The following KANTR variants were observed in gnomAD, a reference collection of about 807,000 sequenced individuals.
KANTR encodes KANTR integral membrane protein.
chrX:53,115,532 T>G (rs1364686164), intron 2 of KANTR, among the ~76,000 whole-genome samples: 2 of 112,387 alleles, frequency 1.8e-5, no homozygotes, highest in Non-Finnish European at 3.8e-5. Context: ...CAGGCAGGCC[T>G]GGAGTGCGAG....
intron 2 of KANTR, among the ~76,000 whole-genome samples, chrX:53,137,460 C>T (rs1191329925): frequency 3.1e-4 from 35 of 112,214 alleles, no homozygotes; most frequent in Non-Finnish European, 1.7e-4. Context: ...CAGTGGCTCA[C>T]GCCTGTAATC....
chrX:53,116,599 G>T (rs1188473091), intron 2 of KANTR, among the ~76,000 whole-genome samples: 1 of 111,617 alleles, frequency 9.0e-6, no homozygotes. Flanking sequence ...GGGTTAGGGA[G>T]GGAGGATGGG....
downstream of KANTR, among the ~76,000 whole-genome samples, chrX:53,130,146 C>T (rs1450759851): frequency 8.0e-5 from 9 of 111,822 alleles, no homozygotes; most frequent in African/African-American, 2.6e-4. Flanking sequence ...GGATTACAGG[C>T]GTGAGCCACC....
intron 2 of KANTR, among the ~76,000 whole-genome samples, chrX:53,103,405 C>T (rs1330568310): frequency 6.3e-5 from 7 of 111,346 alleles, no homozygotes; most frequent in Admixed American, 2.9e-4. Context: ...CCAGCAATCC[C>T]TCAATCCCAC....
chrX:53,102,060 T>C (rs782629090), intron 2 of KANTR, among the ~76,000 whole-genome samples: 5 of 110,756 alleles, frequency 4.5e-5, no homozygotes, highest in Non-Finnish European at 9.5e-5. Flanking sequence ...AAGAAAAGTT[T>C]TGAAATGTGA....
downstream of KANTR, among the ~76,000 whole-genome samples, chrX:53,131,049 GA>G (rs1368108145): frequency 1.8e-5 from 2 of 111,675 alleles, no homozygotes; most frequent in African/African-American, 6.5e-5. Flanking sequence ...GAGAGGCTTT[GA>G]AGATGGCTCT....
chrX:53,114,014 T>G (rs947292027), intron 2 of KANTR, among the ~76,000 whole-genome samples: 19 of 111,168 alleles, frequency 1.7e-4, no homozygotes, highest in Non-Finnish European at 3.4e-4. Flanking sequence ...CCCTCCTGCC[T>G]CAGCCTTCCA....
chrX:53,114,057 T>C (rs1436643490), intron 2 of KANTR, among the ~76,000 whole-genome samples: 1 of 109,871 alleles, frequency 9.1e-6, no homozygotes, highest in Admixed American at 9.7e-5. Flanking sequence ...TGCCACTACA[T>C]CCAGCTAATT....
At chrX:53,133,002 A>T (rs1569240348) in intron 2 of KANTR, among the ~76,000 whole-genome samples, 1 of 111,650 alleles carries the variant, frequency 9.0e-6, no homozygotes, top group African/African-American at 3.3e-5. Context: ...AGTTAAACAC[A>T]TTTGAAAAAT....
chrX:53,128,927 T>C (rs1933323522), downstream of KANTR, among the ~76,000 whole-genome samples: 1 of 111,097 alleles, frequency 9.0e-6, no homozygotes, highest in South Asian at 3.8e-4. Context: ...ACTATTTTTG[T>C]TCCTCCCTTA....
chrX:53,147,902 A>T (rs1479750810), intron 3 of KANTR, among the ~76,000 whole-genome samples: 5 of 111,807 alleles, frequency 4.5e-5, no homozygotes, highest in Non-Finnish European at 9.4e-5. Context: ...AGAAATAAAG[A>T]TGTTCTTTGA....
intron 2 of KANTR, among the ~76,000 whole-genome samples, chrX:53,136,731 T>TATATATATATATATA (rs1491428007): frequency 1.2e-3 from 59 of 50,009 alleles, no homozygotes; most frequent in Admixed American, 2.1e-3. Flanking sequence ...TATATATATA[T>TATATATATATATATA]TTTGTTTGTT....
At position 53,126,567 on chromosome X, in the gene KANTR, C is replaced by T. The variant is rs190417503; in HGVS notation, c.*2064C>T. The T allele has an allele frequency of 3.7e-3, 415 of 111,904 alleles. 6 individuals carry two copies. Among genetic ancestry groups the T allele is most frequent in the African/African-American group, 0.013 (403 of 30,854 alleles). The allele number at this position is 111,904 out of a possible 1,213,427, so 9.2% of individuals were successfully genotyped here. ...TATTTTACTTGCTAATCTGCCTAGT[C>T]ATCCCTAATAGTCTCTTATTGCTTG... On this transcript the variant is annotated 3_prime_UTR_variant, in exon 3 of 3. Transcript: ENST00000604062.
At position 53,133,372 on chromosome X, in the gene KANTR, AAAAAG is replaced by A. The variant is rs201906912; in HGVS notation, n.204-8472_204-8468del. The stretch of plus-strand genomic sequence containing the variant: ...ACAGAGTGAGACCTTGTCAAAAAAA[AAAAAG>A]AAAGAAAGGGGGAGGAGAAAAAACA... On this transcript the variant is annotated intron_variant and non_coding_transcript_variant, in intron 2 of 2. Coordinates refer to the KANTR transcript ENST00000366185. Among the ~76,000 whole-genome samples, 54 of 109,154 alleles carry A rather than the reference AAAAAG, an allele frequency of 4.9e-4. No homozygotes were observed. The East Asian group carries it at 7.8e-3, about 16-fold the overall frequency. The allele number at this position is 109,154 out of a possible 115,157, so 94.8% of individuals were successfully genotyped here. A position where few individuals can be genotyped will look rare whatever the true frequency, so the allele number is the denominator to read the frequency against.
At chrX:53,103,394 T>C in intron 2 of KANTR, among the ~76,000 whole-genome samples, 1 of 111,288 alleles carries the variant, frequency 9.0e-6, no homozygotes, top group African/African-American at 3.3e-5. Flanking sequence ...GTACTCCAAC[T>C]CCAGCAATCC....
At chrX:53,111,774 C>T (rs1556813818) in intron 2 of KANTR, among the ~76,000 whole-genome samples, 1 of 111,303 alleles carries the variant, frequency 9.0e-6, no homozygotes, top group Non-Finnish European at 1.9e-5. Flanking sequence ...CTGCTTATCA[C>T]TAGATACAGA....
At chrX:53,104,949 A>G (rs1295161480) in intron 2 of KANTR, among the ~76,000 whole-genome samples, 7 of 109,945 alleles carry the variant, frequency 6.4e-5, no homozygotes, top group East Asian at 2.8e-4. Context: ...CAGTGTCCCA[A>G]TCTTGGCTCA....
chrX:53,142,846 A>T (rs782734457), downstream of KANTR: 13 of 501,423 alleles, frequency 2.6e-5, no homozygotes, highest in East Asian at 3.9e-4. Flanking sequence ...GCAGTGGATG[A>T]TGGAGGGGCC....
chrX:53,118,174 G>C (rs1414750412), intron 2 of KANTR, among the ~76,000 whole-genome samples: 1 of 111,522 alleles, frequency 9.0e-6, no homozygotes, highest in Non-Finnish European at 1.9e-5. Flanking sequence ...TATAGACCTA[G>C]GAATGTGATT....
Sources: gnomAD v4.1 joint callset for allele counts (sites outside exome capture counted in the v4.1 genomes callset) on GRCh38, gnomAD v4.1.1 for gene constraint, MANE v1.5 for transcripts, NCBI Gene and HGNC (gene_info 2026-07-23, HGNC 2026-07-21) for gene names.